The following DNM3 variants were observed in gnomAD, a reference collection of about 807,000 sequenced individuals.
DNM3 encodes the protein dynamin 3.
A neutral mutation model predicts 101.6 loss-of-function variants in DNM3; 47 were observed. The observed-to-expected ratio is 0.46, with a 90% CI of 0.37 to 0.59. The LOEUF (loss-of-function observed/expected upper bound fraction) is 0.59. DNM3 is among the 20% of genes least tolerant of loss of function. The pLI is 0.00. For synonymous variants in DNM3, 385 were observed against 387.9 expected (o/e 0.99, Z 0.09); for missense variants, 849 against 1,085.7 (o/e 0.78, Z 3.06).
chr1:171,921,686 T>G, intron 1 of DNM3, 62 bp from the exon 2 acceptor site: 1 of 1,401,048 alleles, frequency 7.1e-7, no homozygotes. Context: ...GAACTTGGTT[T>G]ATGAATGTAC....
intron 16 of DNM3, among the ~76,000 whole-genome samples, chr1:172,314,732 C>T (rs1399799979): frequency 2.6e-5 from 4 of 152,214 alleles, no homozygotes; most frequent in Non-Finnish European, 4.4e-5. Flanking sequence ...ACAAAGCAGC[C>T]GGGAAGCTCC....
intron 17 of DNM3, among the ~76,000 whole-genome samples, chr1:172,358,368 C>T (rs1028904898): frequency 2.6e-5 from 4 of 152,046 alleles, no homozygotes; most frequent in Non-Finnish European, 4.4e-5. Context: ...GTATGTCAAA[C>T]ACCAGTGGGA....
chr1:172,195,551 T>G (rs1041185137), intron 14 of DNM3, among the ~76,000 whole-genome samples: 1 of 151,856 alleles, frequency 6.6e-6, no homozygotes, highest in African/African-American at 2.4e-5. Context: ...TGATGTTAGC[T>G]CTATAGTTTT....
At chr1:171,930,407 A>G (rs1409418128) in intron 2 of DNM3, among the ~76,000 whole-genome samples, 2 of 152,128 alleles carry the variant, frequency 1.3e-5, no homozygotes, top group African/African-American at 4.8e-5. Flanking sequence ...ATGGGGGTCT[A>G]TCCTCCTGCT....
intron 13 of DNM3, among the ~76,000 whole-genome samples, chr1:172,113,821 A>G (rs1466913817): frequency 6.6e-6 from 1 of 152,148 alleles, no homozygotes; most frequent in African/African-American, 2.4e-5. Flanking sequence ...ATTCCCTGAT[A>G]GGCCAATCTC....
intron 15 of DNM3, among the ~76,000 whole-genome samples, chr1:172,302,710 C>T (rs2064528381): frequency 1.3e-5 from 2 of 152,112 alleles, no homozygotes; most frequent in South Asian, 4.1e-4. Context: ...GTTCTGCAGC[C>T]TCCGCCGGGT....
chr1:171,983,380 C>T (rs947149632), intron 2 of DNM3, among the ~76,000 whole-genome samples: 1 of 84,274 alleles, frequency 1.2e-5, no homozygotes, highest in Admixed American at 9.1e-5. Flanking sequence ...ATCACTTGAG[C>T]CCAGGAGGTT....
chr1:172,041,957 G>A, intron 7 of DNM3, 52 bp from the exon 8 acceptor site: 2 of 1,531,054 alleles, frequency 1.3e-6, no homozygotes, highest in Non-Finnish European at 1.7e-6. Context: ...AAAATGAAGA[G>A]TGCAAAGGCT....
At chr1:171,855,693 T>C (rs1192604758) in intron 1 of DNM3, among the ~76,000 whole-genome samples, 1 of 152,238 alleles carries the variant, frequency 6.6e-6, no homozygotes, top group East Asian at 1.9e-4. Flanking sequence ...ATGTCTTCTT[T>C]TGAAAAATGT....
chr1:172,262,297 G>T (rs1327736892), intron 15 of DNM3, among the ~76,000 whole-genome samples: 1 of 152,132 alleles, frequency 6.6e-6, no homozygotes, highest in Non-Finnish European at 1.5e-5. Context: ...AGGTATGATG[G>T]GCATGGGATC....
At chr1:172,215,015 T>A (rs2060641908) in intron 14 of DNM3, among the ~76,000 whole-genome samples, 1 of 152,106 alleles carries the variant, frequency 6.6e-6, no homozygotes, top group Non-Finnish European at 1.5e-5. Flanking sequence ...ACCAATTTCA[T>A]AAACAATATG....
At chr1:172,234,171 C>T (rs950239489) in intron 14 of DNM3, among the ~76,000 whole-genome samples, 8 of 152,266 alleles carry the variant, frequency 5.3e-5, no homozygotes, top group South Asian at 4.1e-4. Flanking sequence ...TCTCCTTAAG[C>T]TGATAAGCAA....
At chr1:171,933,575 G>A (rs986964899) in intron 2 of DNM3, among the ~76,000 whole-genome samples, 2 of 152,188 alleles carry the variant, frequency 1.3e-5, no homozygotes, top group African/African-American at 4.8e-5. Flanking sequence ...AGCGGCTTAT[G>A]TGTTTGAAGT....
intron 15 of DNM3, among the ~76,000 whole-genome samples, chr1:172,301,245 T>C (rs1295425873): frequency 1.3e-5 from 2 of 152,226 alleles, no homozygotes; most frequent in East Asian, 3.8e-4. Flanking sequence ...GTCACTCCTG[T>C]AATTCCAGCA....
chr1:172,271,536 T>A (rs1281964192), intron 15 of DNM3, among the ~76,000 whole-genome samples: 1 of 152,126 alleles, frequency 6.6e-6, no homozygotes, highest in Non-Finnish European at 1.5e-5. Flanking sequence ...GTTGTTTTGG[T>A]TGAAATCAAT....
intron 17 of DNM3, among the ~76,000 whole-genome samples, chr1:172,324,815 T>C (rs2065874596): frequency 7.8e-6 from 1 of 128,802 alleles, no homozygotes; most frequent in African/African-American, 3.4e-5. Flanking sequence ...ACTGCATTTC[T>C]TATTTGCAAG....
At chr1:172,099,622 G>C (rs565425207) in intron 13 of DNM3, among the ~76,000 whole-genome samples, 23 of 152,232 alleles carry the variant, frequency 1.5e-4, no homozygotes, top group Non-Finnish European at 3.4e-4. Context: ...AAAGGAAATG[G>C]GCAAACCAGG....
intron 17 of DNM3, among the ~76,000 whole-genome samples, chr1:172,336,331 T>C (rs575703878): frequency 4.6e-5 from 7 of 152,266 alleles, no homozygotes; most frequent in Non-Finnish European, 8.8e-5. Context: ...CACTTTCTAA[T>C]GTTTATACTC....
At chr1:172,329,845 C>A (rs1302109446) in intron 17 of DNM3, among the ~76,000 whole-genome samples, 1 of 152,136 alleles carries the variant, frequency 6.6e-6, no homozygotes, top group Admixed American at 6.5e-5. Context: ...TAGAAGCCCT[C>A]CTAGCCCCTG....
Sources: gnomAD v4.1 joint callset for allele counts (sites outside exome capture counted in the v4.1 genomes callset) on GRCh38, gnomAD v4.1.1 for gene constraint, MANE v1.5 for transcripts, NCBI Gene and HGNC (gene_info 2026-07-23, HGNC 2026-07-21) for gene names.